The following DRC10 variants were observed in gnomAD, a reference collection of about 807,000 sequenced individuals.
The protein encoded by DRC10 is dynein regulatory complex subunit 10, also known as IQ domain-containing protein D.
At chr12:113,208,126 G>C in the DRC10 span, 1 of 1,614,138 alleles carries the variant, frequency 6.2e-7, no homozygotes, top group South Asian at 1.1e-5. Flanking sequence ...GATGGCAGGG[G>C]CCTGATACAA....
the DRC10 span, among the ~76,000 whole-genome samples, chr12:113,213,569 C>T: frequency 6.6e-6 from 1 of 152,144 alleles, no homozygotes; most frequent in East Asian, 1.9e-4. Flanking sequence ...GAAAGGGAGA[C>T]AGAGAGAGAG....
the DRC10 span, chr12:113,208,309 G>C: frequency 1.7e-5 from 25 of 1,433,938 alleles, no homozygotes; most frequent in Non-Finnish European, 2.2e-5. Flanking sequence ...ACATCTGTGT[G>C]GTTAGTGTGG....
At chr12:113,211,725 G>T in the DRC10 span, among the ~76,000 whole-genome samples, 2 of 152,112 alleles carry the variant, frequency 1.3e-5, no homozygotes, top group Non-Finnish European at 2.9e-5. Context: ...CACACTTCCT[G>T]CTCCCTAATG....
chr12:113,200,595 C>A, the DRC10 span: 5 of 1,534,302 alleles, frequency 3.3e-6, no homozygotes, highest in African/African-American at 6.8e-5. Context: ...TCAGCGCCTG[C>A]TCTGCCTCCC....
At chr12:113,200,825 A>G in the DRC10 span, 3 of 1,517,950 alleles carry the variant, frequency 2.0e-6, no homozygotes, top group East Asian at 7.4e-5. Context: ...TAAGCCAGGA[A>G]GAGAAAGGGC....
At chr12:113,200,017 T>C in the DRC10 span, 2 of 229,718 alleles carry the variant, frequency 8.7e-6, no homozygotes, top group South Asian at 4.9e-5. Flanking sequence ...TCCCAAAGTG[T>C]TGGGATTACA....
At chr12:113,221,049 C>T in the DRC10 span, 1 of 410,408 alleles carries the variant, frequency 2.4e-6, no homozygotes, top group African/African-American at 2.0e-5. Context: ...GCGGTCCCTG[C>T]GTTGCTAGGT....
At chr12:113,219,835 G>A in the DRC10 span, among the ~76,000 whole-genome samples, 1 of 151,206 alleles carries the variant, frequency 6.6e-6, no homozygotes, top group African/African-American at 2.5e-5. Flanking sequence ...TTGAGCTGGA[G>A]TCTCGCTCTA....
chr12:113,214,365 G>A, the DRC10 span, among the ~76,000 whole-genome samples: 1 of 152,100 alleles, frequency 6.6e-6, no homozygotes, highest in East Asian at 1.9e-4. Flanking sequence ...AATTAGCCGG[G>A]TGTGGTGAAA....
the DRC10 span, among the ~76,000 whole-genome samples, chr12:113,213,192 A>C: frequency 5.9e-5 from 9 of 151,348 alleles, no homozygotes; most frequent in Non-Finnish European, 8.9e-5. Flanking sequence ...AAAAAAAAAA[A>C]AAAAAAAAAA....
At chr12:113,201,172 C>G in the DRC10 span, among the ~76,000 whole-genome samples, 4 of 152,046 alleles carry the variant, frequency 2.6e-5, no homozygotes, top group Non-Finnish European at 5.9e-5. Flanking sequence ...TATCCACTGA[C>G]AGTCACCAGA....
the DRC10 span, among the ~76,000 whole-genome samples, chr12:113,220,624 G>C: frequency 6.6e-6 from 1 of 152,184 alleles, no homozygotes; most frequent in Non-Finnish European, 1.5e-5. Flanking sequence ...GAGATTGCCT[G>C]CTCACCGAGG....
At chr12:113,217,491 C>G in the DRC10 span, among the ~76,000 whole-genome samples, 8 of 152,320 alleles carry the variant, frequency 5.3e-5, no homozygotes, top group East Asian at 1.5e-3. Flanking sequence ...TTCCCATGAG[C>G]TAATCTGCAA....
the DRC10 span, among the ~76,000 whole-genome samples, chr12:113,197,211 TA>T: frequency 3.7e-5 from 5 of 136,842 alleles, no homozygotes; most frequent in African/African-American, 5.9e-5. Flanking sequence ...TTTTTTTTTT[TA>T]AATTAATAGA....
the DRC10 span, among the ~76,000 whole-genome samples, chr12:113,213,231 G>A: frequency 6.7e-6 from 1 of 148,576 alleles, no homozygotes; most frequent in Admixed American, 6.7e-5. Flanking sequence ...GTGGGAAATG[G>A]ATTTCTCTCT....
chr12:113,212,865 A>G, the DRC10 span, among the ~76,000 whole-genome samples: 3 of 152,180 alleles, frequency 2.0e-5, no homozygotes, highest in Non-Finnish European at 2.9e-5. Context: ...TCTCCGTTTA[A>G]AATTCCTGCC....
the DRC10 span, among the ~76,000 whole-genome samples, chr12:113,213,967 A>G: frequency 4.6e-5 from 7 of 152,010 alleles, no homozygotes; most frequent in African/African-American, 1.7e-4. Flanking sequence ...ACAAAAAACA[A>G]AAAAACCAAG....
At chr12:113,202,480 A>G in the DRC10 span, among the ~76,000 whole-genome samples, 2 of 152,172 alleles carry the variant, frequency 1.3e-5, no homozygotes, top group Admixed American at 6.6e-5. Flanking sequence ...GGCTACCCCC[A>G]TGTCTGCTCT....
chr12:113,220,646 G>T, the DRC10 span, among the ~76,000 whole-genome samples: 11 of 152,300 alleles, frequency 7.2e-5, no homozygotes, highest in South Asian at 8.3e-4. Context: ...ACGTATGGCC[G>T]TTGGGTGAAA....
Sources: gnomAD v4.1 joint callset for allele counts (sites outside exome capture counted in the v4.1 genomes callset) on GRCh38, gnomAD v4.1.1 for gene constraint, MANE v1.5 for transcripts, NCBI Gene and HGNC (gene_info 2026-07-23, HGNC 2026-07-21) for gene names.